RIMS2: variants seen among roughly 807,000 people sequenced by gnomAD.
RIMS2 encodes regulating synaptic membrane exocytosis protein 2.
In RIMS2, 59 loss-of-function variants were observed where a neutral mutation model predicts 174.4. The observed-to-expected ratio is 0.34, with a 90% CI of 0.27 to 0.42. The LOEUF (loss-of-function observed/expected upper bound fraction) is 0.42, where lower values mean the gene tolerates loss of function less well. RIMS2 is among the 10% of genes least tolerant of loss of function. The pLI is 1.00. For synonymous variants in RIMS2, 606 were observed against 572.5 expected (o/e 1.06, Z -0.84); for missense variants, 1,620 against 1,666.3 (o/e 0.97, Z 0.48).
In RIMS2 at chr8:103,852,483, T is replaced by C. The variant is rs532143118; in HGVS notation, c.699-32815T>C. 1.3e-4 allele frequency among the ~76,000 whole-genome samples: 20 copies of C among 151,312 alleles called. 1 individual carries two copies. The South Asian group carries it at 4.0e-3, about 30-fold the overall frequency. Reference sequence around the variant, plus strand: ...CAGGTTTGTGCTCAATTGCAGTATATCTCAGTGGGTATATTGCAACCAGGT... The same window carrying C: ...CAGGTTTGTGCTCAATTGCAGTATACCTCAGTGGGTATATTGCAACCAGGT... On this transcript the variant is annotated intron_variant, in intron 3 of 23. Transcript: ENST00000504942.
At chr8:103,581,512 A>G (rs2093618265) in intron 1 of RIMS2, among the ~76,000 whole-genome samples, 1 of 151,992 alleles carries the variant, frequency 6.6e-6, no homozygotes, top group Non-Finnish European at 1.5e-5. Flanking sequence ...TCCCCCAGCT[A>G]ACATCATACT....
chr8:104,091,949 C>T (rs1002014118), intron 19 of RIMS2, among the ~76,000 whole-genome samples: 10 of 151,616 alleles, frequency 6.6e-5, no homozygotes, highest in Admixed American at 1.3e-4. Context: ...GAGAGTTTAT[C>T]TAACAAGATA....
intron 17 of RIMS2, among the ~76,000 whole-genome samples, chr8:103,993,885 A>C (rs2094892182): frequency 1.3e-5 from 2 of 151,878 alleles, no homozygotes; most frequent in South Asian, 4.1e-4. Flanking sequence ...AAAAATAAAA[A>C]ATAAATAAAA....
At chr8:103,548,539 A>G (rs1846134986) in intron 1 of RIMS2, among the ~76,000 whole-genome samples, 1 of 152,246 alleles carries the variant, frequency 6.6e-6, no homozygotes, top group South Asian at 2.1e-4. Context: ...AGAGCCATCT[A>G]TGTAAAACAT....
chr8:103,644,525 A>G (rs945169601), intron 1 of RIMS2, among the ~76,000 whole-genome samples: 1 of 152,046 alleles, frequency 6.6e-6, no homozygotes, highest in Non-Finnish European at 1.5e-5. Flanking sequence ...GAAATAGGTG[A>G]TGTAATTAGT....
intron 3 of RIMS2, among the ~76,000 whole-genome samples, chr8:103,868,579 G>A (rs1157635586): frequency 6.6e-6 from 1 of 152,032 alleles, no homozygotes; most frequent in East Asian, 1.9e-4. Flanking sequence ...ATTCCCATGT[G>A]TTAAGATTAA....
At chr8:103,632,200 G>A (rs2095942391) in intron 1 of RIMS2, among the ~76,000 whole-genome samples, 1 of 152,146 alleles carries the variant, frequency 6.6e-6, no homozygotes, top group Non-Finnish European at 1.5e-5. Context: ...CTTGTCTTGT[G>A]TCAGTTTTCA....
chr8:104,131,971 G>A (rs929273555), intron 19 of RIMS2, among the ~76,000 whole-genome samples: 1 of 152,130 alleles, frequency 6.6e-6, no homozygotes, highest in Non-Finnish European at 1.5e-5. Flanking sequence ...GATTATGAAA[G>A]AATGTGTGAA....
At chr8:103,833,376 G>A (rs568209817) in intron 3 of RIMS2, among the ~76,000 whole-genome samples, 1 of 152,144 alleles carries the variant, frequency 6.6e-6, no homozygotes, top group Non-Finnish European at 1.5e-5. Context: ...TGGGTTGGCT[G>A]TGCTTTGTAT....
intron 1 of RIMS2, among the ~76,000 whole-genome samples, chr8:103,674,704 CTT>C (rs2096786193): frequency 6.6e-6 from 1 of 151,838 alleles, no homozygotes; most frequent in Admixed American, 6.6e-5. Context: ...AATTTTAACT[CTT>C]AGTAACCCTG....
At chr8:103,927,146 A>G (rs1429092986) in intron 10 of RIMS2, among the ~76,000 whole-genome samples, 2 of 151,516 alleles carry the variant, frequency 1.3e-5, no homozygotes, top group Admixed American at 1.3e-4. Flanking sequence ...AAGAAACAAG[A>G]TATTGTCATT....
intron 15 of RIMS2, among the ~76,000 whole-genome samples, chr8:103,964,366 T>G (rs2091176565): frequency 1.3e-5 from 2 of 152,160 alleles, no homozygotes. Context: ...TTCCAATAGG[T>G]GTATAGTGGT....
chr8:103,728,182 A>C (rs1050361585), intron 2 of RIMS2, among the ~76,000 whole-genome samples: 2 of 151,758 alleles, frequency 1.3e-5, no homozygotes, highest in Non-Finnish European at 2.9e-5. Flanking sequence ...TAGGCATTTA[A>C]TTTTATTTGT....
intron 2 of RIMS2, among the ~76,000 whole-genome samples, chr8:103,750,174 T>A (rs1444686203): frequency 6.6e-6 from 1 of 152,104 alleles, no homozygotes; most frequent in Non-Finnish European, 1.5e-5. Context: ...AACCTATTTT[T>A]TCCCCTAAGA....
chr8:104,029,208 TTGGTGGGATTTGGCTGGCTTC>T (rs1222226436), intron 19 of RIMS2, among the ~76,000 whole-genome samples: 4 of 152,208 alleles, frequency 2.6e-5, no homozygotes, highest in African/African-American at 9.6e-5. Context: ...CATCTTGGTT[TTGGTGGGATTTGGCTGGCTTC>T]TTTACTGCAT....
At chr8:103,597,864 C>G (rs1249810326) in intron 1 of RIMS2, among the ~76,000 whole-genome samples, 1 of 151,938 alleles carries the variant, frequency 6.6e-6, no homozygotes, top group Non-Finnish European at 1.5e-5. Context: ...GTGAATAAAA[C>G]TATTAATTAA....
At chr8:103,599,712 A>G (rs955503787) in intron 1 of RIMS2, among the ~76,000 whole-genome samples, 2 of 151,968 alleles carry the variant, frequency 1.3e-5, no homozygotes, top group African/African-American at 4.8e-5. Flanking sequence ...TGGCCTCTGA[A>G]GTGCTGGGAT....
intron 2 of RIMS2, 87 bp from the exon 6 acceptor site, chr8:103,766,140 T>G (rs1356823772): frequency 3.4e-5 from 29 of 865,274 alleles, no homozygotes; most frequent in Non-Finnish European, 5.2e-5. Flanking sequence ...ACCACGTAAT[T>G]TTTTGTTTGC....
chr8:103,883,091 T>A (rs962674957), intron 3 of RIMS2, among the ~76,000 whole-genome samples: 12 of 151,718 alleles, frequency 7.9e-5, no homozygotes, highest in African/African-American at 2.7e-4. Context: ...TTAGAATCAT[T>A]CACCCTCTTA....
Sources: gnomAD v4.1 joint callset for allele counts (sites outside exome capture counted in the v4.1 genomes callset) on GRCh38, gnomAD v4.1.1 for gene constraint, MANE v1.5 for transcripts, NCBI Gene and HGNC (gene_info 2026-07-23, HGNC 2026-07-21) for gene names.